Variants in SMYD3 observed in about 807,000 individuals in gnomAD.
SMYD3 encodes histone-lysine N-methyltransferase SMYD3.
In SMYD3, 36 loss-of-function variants were observed where a neutral mutation model predicts 57.7. That is an observed-to-expected ratio of 0.62 (90% confidence interval 0.48 to 0.82). SMYD3 has a LOEUF of 0.82. Among genes scored for constraint, SMYD3 ranks in the 40% least tolerant of loss-of-function variants. SMYD3 has a pLI of 0.00. For missense variants in SMYD3, 515 were observed against 538.8 expected (o/e 0.96, Z 0.44); for synonymous variants, 211 against 195.0 (o/e 1.08, Z -0.68).
rs2068274380 is a variant in SMYD3, at chr1:246,491,670, C to T, written c.164+15384G>A. On this transcript the variant is annotated intron_variant, in intron 1 of 11. Coordinates refer to ENST00000490107, the MANE Select transcript of SMYD3 (RefSeq NM_001167740.2). ...GGGAGGATCTGCAAACAGATATAAT[C>T]AACTAAGACACAGCTCTAGAGAGGA... 2.0e-5 allele frequency among the ~76,000 whole-genome samples: 3 copies of T among 152,230 alleles called. No homozygotes were observed. In the South Asian group the frequency reaches 6.2e-4, roughly 32 times the overall value.
chr1:246,307,458 C>G (rs931304796), intron 5 of SMYD3, among the ~76,000 whole-genome samples: 4 of 131,206 alleles, frequency 3.0e-5, no homozygotes, highest in African/African-American at 1.1e-4. Flanking sequence ...CTCGCTCTGT[C>G]GCCCAGGCTG....
chr1:245,841,346 G>C (rs1161645819), intron 10 of SMYD3, among the ~76,000 whole-genome samples: 4 of 152,114 alleles, frequency 2.6e-5, no homozygotes, highest in African/African-American at 9.7e-5. Context: ...GAGATTTTTA[G>C]ACTACTTCTG....
intron 5 of SMYD3, among the ~76,000 whole-genome samples, chr1:246,253,157 C>A (rs538045330): frequency 6.6e-6 from 1 of 151,976 alleles, no homozygotes; most frequent in Admixed American, 6.6e-5. Context: ...GGGGTACATG[C>A]GCAGGTTTGT....
chr1:245,858,147 G>A (rs2051347075), intron 10 of SMYD3, among the ~76,000 whole-genome samples: 1 of 152,182 alleles, frequency 6.6e-6, no homozygotes. Flanking sequence ...TCTCAAGCTA[G>A]GTCTGAGCCT....
intron 9 of SMYD3, among the ~76,000 whole-genome samples, chr1:245,861,027 G>T (rs916065772): frequency 6.6e-6 from 1 of 152,206 alleles, no homozygotes; most frequent in African/African-American, 2.4e-5. Context: ...GCTACTCATA[G>T]GAATGCATTT....
chr1:245,977,024 T>C (rs76070291), intron 5 of SMYD3, among the ~76,000 whole-genome samples: 563 of 10,268 alleles, frequency 0.055, 83 homozygotes, highest in South Asian at 0.091. Flanking sequence ...CCATCGTCTC[T>C]AGCCCAGGGA....
chr1:245,790,422 T>G (rs1343215352), intron 10 of SMYD3, among the ~76,000 whole-genome samples: 1 of 152,156 alleles, frequency 6.6e-6, no homozygotes, highest in Non-Finnish European at 1.5e-5. Flanking sequence ...ATCTACCCAC[T>G]GGGGCACTAG....
At chr1:246,297,075 A>G (rs10802386) in intron 5 of SMYD3, among the ~76,000 whole-genome samples, 16,127 of 152,212 alleles carry the variant, frequency 0.11, 1,711 homozygotes, top group African/African-American at 0.27. Flanking sequence ...AGTTAGAAAT[A>G]GAGTTGGAAC....
chr1:246,438,830 G>A (rs777309900), intron 1 of SMYD3, among the ~76,000 whole-genome samples: 5 of 151,254 alleles, frequency 3.3e-5, no homozygotes, highest in Non-Finnish European at 5.9e-5. Context: ...GAGATCTAGT[G>A]TGCAACCTAG....
Position 246,272,696 on chromosome 1 carries a change from T to C in SMYD3, c.531+54505A>G, listed in dbSNP as rs141510509. On this transcript the variant is annotated intron_variant, in intron 5 of 11. Transcript: ENST00000490107. The stretch of plus-strand genomic sequence containing the variant: ...CTAAATTTGGTTTGCTAGTATTCTG[T>C]TGAAAATTTTTACATCAGTGTTCAT... Among the ~76,000 whole-genome samples the C allele has an allele frequency of 1.7e-3, 255 of 152,336 alleles. 1 individual carries two copies. The highest frequency in any genetic ancestry group is 5.7e-3 in the African/African-American group (236 of 41,586).
intron 1 of SMYD3, among the ~76,000 whole-genome samples, chr1:246,396,571 G>GTTATCATA (rs1277239009): frequency 5.3e-5 from 8 of 152,126 alleles, no homozygotes; most frequent in African/African-American, 1.9e-4. Context: ...GATAACCAGT[G>GTTATCATA]CTTTCATATA....
intron 10 of SMYD3, among the ~76,000 whole-genome samples, chr1:245,833,861 T>C (rs903305748): frequency 6.6e-6 from 1 of 152,234 alleles, no homozygotes; most frequent in African/African-American, 2.4e-5. Context: ...CGCATGAATC[T>C]TGCACCCCAT....
rs1332594891 is a variant in SMYD3, at chr1:245,749,596, T to C, written c.1254A>G (p.Leu418=). ...CTCTGATGTTGGCGTCGCATTCTTC[T>C]AAAAGTAGAATCAAATCTTCAATCA... is the stretch of plus-strand genomic sequence containing the variant. ...HSLIEDLILL[L]EECDANIRAS Residue 418 remains leucine, a synonymous_variant, in exon 12 of 12, where the codon TTA becomes TTG. Transcript: ENST00000490107. 22 of 1,614,170 alleles carry C rather than the reference T, an allele frequency of 1.4e-5. No homozygotes were observed. The highest frequency in any genetic ancestry group is 1.9e-5 in the Non-Finnish European group (22 of 1,180,020).
chr1:245,902,933 T>C (rs1233711221), intron 8 of SMYD3, among the ~76,000 whole-genome samples: 3 of 152,036 alleles, frequency 2.0e-5, no homozygotes, highest in Admixed American at 2.0e-4. Context: ...ACACGAGAAA[T>C]GCGAAAAAGA....
intron 8 of SMYD3, among the ~76,000 whole-genome samples, chr1:245,892,582 G>C (rs1233944381): frequency 1.3e-5 from 2 of 152,156 alleles, no homozygotes; most frequent in African/African-American, 4.8e-5. Context: ...TGATGCTCCG[G>C]AACTAGAACC....
chr1:246,094,908 C>T (rs1215482742), intron 5 of SMYD3, among the ~76,000 whole-genome samples: 2 of 152,144 alleles, frequency 1.3e-5, no homozygotes, highest in Non-Finnish European at 2.9e-5. Context: ...CCATTCCCTC[C>T]CTCCATGGCG....
chr1:246,272,978 T>C (rs2064249773), intron 5 of SMYD3, among the ~76,000 whole-genome samples: 2 of 152,094 alleles, frequency 1.3e-5, no homozygotes, highest in South Asian at 2.1e-4. Flanking sequence ...TATAGGTCCA[T>C]TCAGATTTTC....
intron 5 of SMYD3, among the ~76,000 whole-genome samples, chr1:246,099,653 G>A (rs1355997327): frequency 1.3e-5 from 2 of 151,968 alleles, no homozygotes; most frequent in African/African-American, 2.4e-5. Context: ...GATCCTAACG[G>A]GTGATTTAAA....
At chr1:245,785,809 C>T (rs768433498) in intron 10 of SMYD3, among the ~76,000 whole-genome samples, 9 of 152,170 alleles carry the variant, frequency 5.9e-5, no homozygotes, top group Non-Finnish European at 1.2e-4. Flanking sequence ...AGAGATCCTC[C>T]TGCCTCATCC....
Sources: allele counts gnomAD v4.1 joint callset (sites outside exome capture counted in the v4.1 genomes callset), GRCh38; gene constraint gnomAD v4.1.1; transcripts MANE v1.5; gene names NCBI Gene and HGNC (gene_info 2026-07-23, HGNC 2026-07-21).